Variants in ALMS1 observed in about 807,000 individuals in gnomAD.
The protein encoded by ALMS1 is ALMS1 centrosome and basal body associated protein, also known as centrosome-associated protein ALMS1.
In ALMS1, 271 loss-of-function variants were observed where a neutral mutation model predicts 352.2. That is an observed-to-expected ratio of 0.77 (90% confidence interval 0.70 to 0.85). The LOEUF (loss-of-function observed/expected upper bound fraction) is 0.85, where lower values mean the gene tolerates loss of function less well. Ranked by LOEUF, ALMS1 falls within the 40% of genes least tolerant of loss-of-function variation. The pLI, the probability that ALMS1 is intolerant of heterozygous loss-of-function variation, is 0.00. For synonymous variants in ALMS1, 1,865 were observed against 1,761.2 expected, an observed-to-expected ratio of 1.06 and a Z score of -1.48; for missense variants, 5,445 against 4,870.7, an observed-to-expected ratio of 1.12 and a Z score of -3.51.
chr2:73,468,838 A>G lies in ALMS1; in HGVS notation c.7674+13543A>G, dbSNP rs894699151. On this transcript the variant is annotated intron_variant, in intron 9 of 22. Transcript: ENST00000613296. ...AGGAACCTGCTTCTGTCCTTTTTCTATTTGTTTTCTACATCAAGGTACAAA... is the reference window on the plus strand; with the variant it reads ...AGGAACCTGCTTCTGTCCTTTTTCTGTTTGTTTTCTACATCAAGGTACAAA... Among the ~76,000 whole-genome samples, 3 of 151,982 alleles carry G rather than the reference A, an allele frequency of 2.0e-5. No individual in the cohort carries two copies. The East Asian group carries it at 5.8e-4, about 29-fold the overall frequency.
intron 6 of ALMS1, among the ~76,000 whole-genome samples, chr2:73,428,126 G>A (rs1671416894): frequency 6.6e-6 from 1 of 152,080 alleles, no homozygotes; most frequent in Non-Finnish European, 1.5e-5. Flanking sequence ...GATAACTGGG[G>A]ATGAAAATGA....
At chr2:73,537,762 T>G (rs1184768927) in intron 12 of ALMS1, among the ~76,000 whole-genome samples, 1 of 152,168 alleles carries the variant, frequency 6.6e-6, no homozygotes, top group East Asian at 1.9e-4. Flanking sequence ...ATGCCAGCAC[T>G]TTGGGAGGCC....
At chr2:73,570,986 G>C (rs551187420) in intron 15 of ALMS1, among the ~76,000 whole-genome samples, 1 of 151,988 alleles carries the variant, frequency 6.6e-6, no homozygotes, top group African/African-American at 2.4e-5. Flanking sequence ...TTTGTTCTTT[G>C]TAGCCCCTAA....
At chr2:73,498,587 G>A (rs1046035831) in intron 10 of ALMS1, among the ~76,000 whole-genome samples, 1 of 151,582 alleles carries the variant, frequency 6.6e-6, no homozygotes, top group Non-Finnish European at 1.5e-5. Flanking sequence ...TCAGCCTCTG[G>A]TAACCATCCT....
rs763677283 is a variant in ALMS1 at position 73,424,701 on chromosome 2, A to G, written c.1036A>G (p.Met346Val). Residue 346 changes from methionine (M) to valine (V), a missense_variant, in exon 5 of 23, where the codon ATG (methionine) becomes GTG (valine). Met to Val is a conservative substitution (Grantham distance 21, BLOSUM62 1). Transcript: ENST00000613296. ...TCGTTATGATGATCTTTGTTCATAT[A>G]TGTCATGGAAGACACGAAAAGATAC... ...CDRYDDLCSY[M>V]SWKTRKDTQW... The G allele has an allele frequency of 1.9e-6, 3 of 1,614,158 alleles. No homozygotes were observed. The highest frequency in any genetic ancestry group is 3.3e-5 in the Admixed American group (2 of 60,004).
chr2:73,541,580 C>T, intron 12 of ALMS1, among the ~76,000 whole-genome samples: 1 of 152,126 alleles, frequency 6.6e-6, no homozygotes. Flanking sequence ...AATCCAGGAG[C>T]TGGTTTTTTG....
intron 16 of ALMS1, among the ~76,000 whole-genome samples, chr2:73,597,874 T>G (rs570495337): frequency 3.9e-5 from 6 of 152,264 alleles, no homozygotes; most frequent in African/African-American, 1.4e-4. Flanking sequence ...ATGCTCTGAT[T>G]TAGCCCATCA....
At chr2:73,393,617 G>A (rs931240602) in intron 1 of ALMS1, among the ~76,000 whole-genome samples, 3 of 151,984 alleles carry the variant, frequency 2.0e-5, no homozygotes, top group African/African-American at 7.3e-5. Context: ...GCTTCCACAT[G>A]TACTTGTTGT....
chr2:73,444,139 G>A (rs1238513863), intron 7 of ALMS1, among the ~76,000 whole-genome samples: 1 of 152,146 alleles, frequency 6.6e-6, no homozygotes, highest in Admixed American at 6.6e-5. Context: ...CTCAGGGCAG[G>A]GAGGGAACCT....
intron 10 of ALMS1, among the ~76,000 whole-genome samples, chr2:73,511,983 A>G (rs540336871): frequency 5.9e-5 from 9 of 152,364 alleles, no homozygotes; most frequent in African/African-American, 1.7e-4. Context: ...CAGAGTGGTT[A>G]TAACATTTTG....
intron 9 of ALMS1, among the ~76,000 whole-genome samples, chr2:73,487,842 G>T (rs1558665777): frequency 6.6e-6 from 1 of 152,142 alleles, no homozygotes; most frequent in African/African-American, 2.4e-5. Context: ...AGAACCTAGA[G>T]TGGGTAGCTC....
At chr2:73,407,001 A>T (rs889205705) in intron 1 of ALMS1, among the ~76,000 whole-genome samples, 9 of 152,352 alleles carry the variant, frequency 5.9e-5, no homozygotes, top group African/African-American at 2.2e-4. Context: ...AACCATTAAC[A>T]TACTTTCTTA....
rs766193205 is a variant in ALMS1, at chr2:73,572,525, A to G, written c.10648A>G (p.Ile3550Val). ...TTATACCAGAATAAAGAGCCTCAGC[A>G]TCAATGTGAATTTGGGAAACAAAGA... Reference protein sequence around the residue: ...TDYTRIKSLSINVNLGNKEVM... With the variant: ...TDYTRIKSLSVNVNLGNKEVM... Residue 3550 changes from isoleucine to valine, a missense_variant, in exon 16 of 23, where the codon ATC (isoleucine) becomes GTC (valine). Physicochemically the swap from Ile to Val is conservative, Grantham distance 29 (BLOSUM62 3). Coordinates refer to ENST00000613296, the MANE Select transcript of ALMS1 (RefSeq NM_001378454.1). 1.2e-6 allele frequency: 2 copies of G among 1,613,836 alleles called. No homozygotes were observed. The highest frequency in any genetic ancestry group is 4.5e-5 in the East Asian group (2 of 44,862).
At chr2:73,403,705 T>G (rs1373128649) in intron 1 of ALMS1, among the ~76,000 whole-genome samples, 1 of 152,162 alleles carries the variant, frequency 6.6e-6, no homozygotes, top group East Asian at 1.9e-4. Flanking sequence ...TTTCTTTCAT[T>G]AGTATTGTAG....
chr2:73,536,848 A>T (rs1263477246), intron 12 of ALMS1, among the ~76,000 whole-genome samples: 1 of 152,236 alleles, frequency 6.6e-6, no homozygotes, highest in Admixed American at 6.5e-5. Context: ...CCCAGGGAGT[A>T]TTTATTCAAG....
chr2:73,405,964 T>A (rs1357503548), intron 1 of ALMS1, among the ~76,000 whole-genome samples: 2 of 152,216 alleles, frequency 1.3e-5, no homozygotes, highest in African/African-American at 4.8e-5. Flanking sequence ...TGGGGAATGT[T>A]TCACGTGCAC....
chr2:73,449,730 A>G lies in ALMS1; in HGVS notation c.3203A>G (p.His1068Arg), dbSNP rs1448421021. The change falls in exon 8 of 23, where the codon CAT becomes CGT. Residue 1068 changes from histidine (H) to arginine (R), a missense_variant. By Grantham distance (29) the His-to-Arg change is conservative. Transcript: ENST00000613296. ...VLYPQVLSDS[H>R]LPEESLKVSA... Reference sequence around the variant, plus strand: ...TACCCACAGGTGTTATCAGACAGTCATCTACCTGAAGAGAGTCTGAAAGTT... The same window carrying G: ...TACCCACAGGTGTTATCAGACAGTCGTCTACCTGAAGAGAGTCTGAAAGTT... 4 of 1,614,166 alleles carry G rather than the reference A, an allele frequency of 2.5e-6. No individual in the cohort carries two copies. The highest frequency in any genetic ancestry group is 2.2e-5 in the South Asian group (2 of 91,082).
chr2:73,576,942 G>A (rs1203050201), intron 16 of ALMS1, among the ~76,000 whole-genome samples: 1 of 151,908 alleles, frequency 6.6e-6, no homozygotes, highest in African/African-American at 2.4e-5. Context: ...CTTTTATTCT[G>A]TTAATATGGT....
chr2:73,588,020 G>A (rs1675346414), intron 16 of ALMS1, among the ~76,000 whole-genome samples: 1 of 152,072 alleles, frequency 6.6e-6, no homozygotes, highest in Non-Finnish European at 1.5e-5. Context: ...GATTGAAACA[G>A]TAATTTAAAA....
Sources: gnomAD v4.1 joint callset for allele counts (sites outside exome capture counted in the v4.1 genomes callset) on GRCh38, gnomAD v4.1.1 for gene constraint, MANE v1.5 for transcripts, NCBI Gene and HGNC (gene_info 2026-07-23, HGNC 2026-07-21) for gene names.